Variants in MCM3 observed in about 807,000 individuals in gnomAD.
MCM3 encodes the protein minichromosome maintenance complex component 3.
In MCM3, 59 loss-of-function variants were observed where a neutral mutation model predicts 91.3. The observed-to-expected ratio is 0.65, with a 90% confidence interval of 0.52 to 0.80. The LOEUF (loss-of-function observed/expected upper bound fraction) is 0.80, where lower values mean the gene tolerates loss of function less well. MCM3 is among the 30% of genes least tolerant of loss of function. MCM3 has a pLI of 0.00. For synonymous variants in MCM3, 383 were observed against 379.6 expected (o/e 1.01, Z -0.10); for missense variants, 919 against 1,035.4 (o/e 0.89, Z 1.54).
chr6:52,282,971 TC>T, intron 2 of MCM3, 110 bp from the exon 3 acceptor site: 1 of 785,636 alleles, frequency 1.3e-6, no homozygotes. Context: ...AAATCCAGCT[TC>T]TGCTTTCTCC....
intron 8 of MCM3, 152 bp from the exon 9 acceptor site, chr6:52,276,628 G>C: frequency 3.0e-6 from 2 of 655,780 alleles, no homozygotes; most frequent in Non-Finnish European, 5.1e-6. Flanking sequence ...GGAAACCCTG[G>C]TGGGTCACCT....
chr6:52,282,261 C>T, intron 3 of MCM3, 86 bp from the exon 4 acceptor site: 1 of 1,206,884 alleles, frequency 8.3e-7, no homozygotes, highest in East Asian at 2.3e-5. Context: ...CCTATAATGA[C>T]TCCAAATACT....
Position 52,277,165 on chromosome 6 carries a change from C to G in MCM3, c.1067G>C (p.Arg356Pro). 1.2e-6 allele frequency: 2 copies of G among 1,613,720 alleles called. No homozygotes were observed. The highest frequency in any genetic ancestry group is 1.7e-6 in the Non-Finnish European group (2 of 1,179,942). ...DPSVAKSQLL[R>P]YVLCTAPRAI... The stretch of plus-strand genomic sequence containing the variant: ...TCGGGGTGCAGTGCAAAGCACATAC[C>G]GCAGAAGCTGAGACTTGGCAACGGA... Residue 356 changes from arginine (R) to proline (P), a missense_variant, in exon 8 of 17, where the codon CGG (arginine) becomes CCG (proline). Physicochemically the swap from Arg to Pro is moderately radical, Grantham distance 103. Around this residue, in one of 3 missense-constraint regions of MCM3, gnomAD observed 233 missense variants for 321.2 expected, o/e 0.73. Coordinates refer to ENST00000596288, the MANE Select transcript of MCM3 (RefSeq NM_002388.6).
rs1244228067 is a variant in MCM3 at position 52,272,397 on chromosome 6, G to A, written c.1731C>T (p.Ile577=). The A allele has an allele frequency of 1.2e-6, 2 of 1,614,152 alleles. No homozygotes were observed. Among genetic ancestry groups the A allele is most frequent in the East Asian group, 2.2e-5 (1 of 44,884 alleles). ...ACTCCTGTGTCAGGACAGGCTTGATGATTTTGGCCACATGGATGTACTTCT... is the reference window on the plus strand; with the variant it reads ...ACTCCTGTGTCAGGACAGGCTTGATAATTTTGGCCACATGGATGTACTTCT... The part of the protein sequence containing the change: ...FMKKYIHVAK[I]IKPVLTQESA... Residue 577 remains isoleucine (I), a synonymous_variant, in exon 12 of 17, where the codon ATC becomes ATT. Transcript: ENST00000596288.
chr6:52,278,906 GC>G (rs1320823156), intron 5 of MCM3, 56 bp from the exon 6 acceptor site: 2 of 1,272,502 alleles, frequency 1.6e-6, no homozygotes, highest in African/African-American at 2.9e-5. Flanking sequence ...AACATCAGTA[GC>G]TAGTACCCCT....
Position 52,276,355 on chromosome 6 carries a change from A to T in MCM3, c.1287T>A (p.Gly429=), listed in dbSNP as rs763769380. 1.2e-6 allele frequency: 2 copies of T among 1,613,942 alleles called. No individual in the cohort carries two copies. Among genetic ancestry groups the T allele is most frequent in the Non-Finnish European group, 1.7e-6 (2 of 1,180,002 alleles). Residue 429 remains glycine, a synonymous_variant, in exon 9 of 17, where the codon GGT becomes GGA. Coordinates refer to ENST00000596288, the MANE Select transcript of MCM3 (RefSeq NM_002388.6). ...RTAIHEVMEQ[G]RVTIAKAGIH... is the part of the protein sequence containing the mutation. ...TGCCAGCCTTGGCAATGGTCACTCGACCCTGCTCCATCACTTCATGGATGG... is the reference window on the plus strand; with the variant it reads ...TGCCAGCCTTGGCAATGGTCACTCGTCCCTGCTCCATCACTTCATGGATGG...
At chr6:52,274,815 TAAC>T (rs1765423354) in intron 9 of MCM3, among the ~76,000 whole-genome samples, 1 of 152,096 alleles carries the variant, frequency 6.6e-6, no homozygotes, top group African/African-American at 2.4e-5. Context: ...TCAGAGAACA[TAAC>T]AACCTTTAGG....
At chr6:52,268,259 A>G (rs1271345344) in intron 13 of MCM3, among the ~76,000 whole-genome samples, 1 of 152,230 alleles carries the variant, frequency 6.6e-6, no homozygotes, top group Non-Finnish European at 1.5e-5. Flanking sequence ...AAGTGAAAAC[A>G]ATCCATTTCC....
At chr6:52,283,751 G>A (rs1325102357) in intron 1 of MCM3, among the ~76,000 whole-genome samples, 1 of 152,196 alleles carries the variant, frequency 6.6e-6, no homozygotes, top group African/African-American at 2.4e-5. Flanking sequence ...TTGTTAAAAT[G>A]TTAAGTTAAA....
intron 3 of MCM3, 138 bp downstream of exon 3, chr6:52,282,515 A>G: frequency 1.4e-6 from 1 of 701,534 alleles, no homozygotes; most frequent in Non-Finnish European, 2.5e-6. Flanking sequence ...GTACACACTG[A>G]GCCCTCCAAG....
At chr6:52,266,199 T>G (rs1764632178) in intron 15 of MCM3, 55 bp from the exon 16 acceptor site, 8 of 1,314,012 alleles carry the variant, frequency 6.1e-6, no homozygotes, top group Non-Finnish European at 8.8e-6. Context: ...TGAAGCCATT[T>G]CCACAAACAC....
At position 52,284,709 on chromosome 6, in the gene MCM3, C is replaced by T. The variant is rs764707582; in HGVS notation, c.-35G>A. The T allele has an allele frequency of 6.3e-6, 10 of 1,587,596 alleles. No individual in the cohort carries two copies. Among genetic ancestry groups the T allele is most frequent in the African/African-American group, 5.4e-5 (4 of 74,160 alleles). On this transcript the variant is annotated 5_prime_UTR_variant, in exon 1 of 17. Transcript: ENST00000596288. ...CAAAGAACTACCTCCACCAAAGTCG[C>T]GTGGAGGTTCCCAGGATGACTCCAC...
chr6:52,265,916 A>G (rs1427947098), intron 16 of MCM3, among the ~76,000 whole-genome samples, 159 bp downstream of exon 16: 3 of 152,242 alleles, frequency 2.0e-5, no homozygotes, highest in Non-Finnish European at 4.4e-5. Context: ...AGTAAGTTTG[A>G]AATTAAATGA....
intron 14 of MCM3, among the ~76,000 whole-genome samples, chr6:52,267,385 C>T (rs1316806160): frequency 6.6e-6 from 1 of 151,910 alleles, no homozygotes; most frequent in Non-Finnish European, 1.5e-5. Context: ...CGTGAGCCAC[C>T]GCGCCCAGCC....
intron 11 of MCM3, among the ~76,000 whole-genome samples, chr6:52,272,753 T>C (rs1338219988): frequency 6.6e-6 from 1 of 152,252 alleles, no homozygotes; most frequent in African/African-American, 2.4e-5. Context: ...CTCCAAATTC[T>C]ACATTCTTAA....
At chr6:52,276,149 C>G (rs928116375) in intron 9 of MCM3, 119 bp downstream of exon 9, 2 of 889,290 alleles carry the variant, frequency 2.2e-6, no homozygotes, top group African/African-American at 3.4e-5. Flanking sequence ...AGAAAATGGC[C>G]TTACTTTTAG....
chr6:52,271,595 TCG>T (rs1765133228), intron 12 of MCM3, among the ~76,000 whole-genome samples: 1 of 151,898 alleles, frequency 6.6e-6, no homozygotes, highest in South Asian at 2.1e-4. Flanking sequence ...TGAGTTGAGA[TCG>T]CGCCATTGCA....
rs1765518077 is a variant in MCM3, at chr6:52,275,957, G to A, written c.1374+311C>T. The A allele has an allele frequency of 2.0e-5, 6 of 299,306 alleles. No individual in the cohort carries two copies. The South Asian group carries it at 2.9e-4, about 14-fold the overall frequency. 18.5% of individuals were successfully genotyped at this position (299,306 alleles called of 1,614,324 possible). ...CTTTTCGTTTTCATACTATATACCT[G>A]TTCTGTTTAGAAATTCTCCCGCCAC... is the stretch of plus-strand genomic sequence containing the variant. On this transcript the variant is annotated intron_variant, in intron 9 of 16. Transcript: ENST00000596288.
At chr6:52,279,240 G>T in intron 5 of MCM3, 121 bp downstream of exon 5, 2 of 793,838 alleles carry the variant, frequency 2.5e-6, no homozygotes, top group Non-Finnish European at 4.1e-6. Flanking sequence ...TGTCTCCCAG[G>T]CAGGTAGAGT....
Sources: allele counts gnomAD v4.1 joint callset (sites outside exome capture counted in the v4.1 genomes callset), GRCh38; gene constraint gnomAD v4.1.1; regional missense constraint gnomAD v4.1.1; transcripts MANE v1.5; gene names NCBI Gene and HGNC (gene_info 2026-07-23, HGNC 2026-07-21).